The following COLEC12 variants were observed in gnomAD, a reference collection of about 807,000 sequenced individuals.
COLEC12 encodes collectin subfamily member 12, also known as collectin-12.
Under a neutral mutation model 71.1 loss-of-function variants are expected in COLEC12, and 33 were observed. The ratio of observed to expected loss-of-function variants is 0.46; its 90% CI spans 0.35 to 0.62. The LOEUF (loss-of-function observed/expected upper bound fraction) is 0.62. Among genes scored for constraint, COLEC12 ranks in the 20% least tolerant of loss-of-function variants. The pLI is 0.00. For missense variants in COLEC12, 765 were observed against 916.1 expected (o/e 0.84, Z 2.13); for synonymous variants, 350 against 353.0 (o/e 0.99, Z 0.10).
At chr18:449,302 A>G (rs1348031378) in intron 2 of COLEC12, among the ~76,000 whole-genome samples, 1 of 152,194 alleles carries the variant, frequency 6.6e-6, no homozygotes, top group Non-Finnish European at 1.5e-5. Flanking sequence ...AAATAACTCT[A>G]GTGTGAGAGG....
chr18:329,526 G>A lies in COLEC12; in HGVS notation c.2063+2142C>T, dbSNP rs569393099. 1.1e-4 allele frequency among the ~76,000 whole-genome samples: 17 copies of A among 152,328 alleles called. No homozygotes were observed. The South Asian group carries it at 1.4e-3, about 13-fold the overall frequency. The stretch of plus-strand genomic sequence containing the variant: ...GTTTTAGATGGTGATTCCTGCAACT[G>A]TTTTGAGTCTCCTAAAGTGTGTCCC... On this transcript the variant is annotated intron_variant, in intron 8 of 9. Coordinates refer to ENST00000400256, the MANE Select transcript of COLEC12 (RefSeq NM_130386.3).
chr18:472,507 C>T (rs1443761069), intron 2 of COLEC12, among the ~76,000 whole-genome samples: 1 of 151,672 alleles, frequency 6.6e-6, no homozygotes, highest in Non-Finnish European at 1.5e-5. Flanking sequence ...AATGAGACCC[C>T]CATCTCTACA....
intron 2 of COLEC12, among the ~76,000 whole-genome samples, chr18:435,127 C>G (rs17564381): frequency 0.27 from 41,679 of 152,080 alleles, 7,146 homozygotes; most frequent in South Asian, 0.49. Context: ...ATTCTGGCAC[C>G]GAGCACACTC....
chr18:341,295 C>T (rs891498471), intron 5 of COLEC12, among the ~76,000 whole-genome samples: 2 of 152,226 alleles, frequency 1.3e-5, no homozygotes, highest in African/African-American at 4.8e-5. Context: ...GGGTAAGTTA[C>T]TCAGGCTCTC....
At chr18:488,868 G>A (rs1917568290) in intron 1 of COLEC12, among the ~76,000 whole-genome samples, 1 of 131,460 alleles carries the variant, frequency 7.6e-6, no homozygotes, top group South Asian at 2.3e-4. Flanking sequence ...GCAAGACTCT[G>A]TTTCAAAAAA....
chr18:334,761 G>C lies in COLEC12; in HGVS notation c.1797C>G (p.Thr599=). Residue 599 remains threonine, a synonymous_variant, in exon 6 of 10, where the codon ACC becomes ACG. Coordinates refer to ENST00000400256, the MANE Select transcript of COLEC12 (RefSeq NM_130386.3). The stretch of plus-strand genomic sequence containing the variant: ...ACTTACCATTGTCCTCCGGTGCTGG[G>C]GTTGGCTCATTCTGCAGGGCCAGGG... ...VVPLALQNEP[T]PAPEDNGCPP... 3 of 1,473,882 alleles carry C rather than the reference G, an allele frequency of 2.0e-6. No individual in the cohort carries two copies. Among genetic ancestry groups the C allele is most frequent in the Non-Finnish European group, 2.7e-6 (3 of 1,118,022 alleles). The allele number at this position is 1,473,882 out of a possible 1,614,324, so 91.3% of individuals were successfully genotyped here.
chr18:318,489 T>TG lies in COLEC12; in HGVS notation c.*1555_*1556insC, dbSNP rs1913606291. The TG allele has an allele frequency of 1.2e-4, 2 of 16,970 alleles. No individual in the cohort carries two copies. The highest frequency in any genetic ancestry group is 1.3e-3 in the South Asian group (1 of 752). The allele number at this position is 16,970 out of a possible 1,614,324, so 1.1% of individuals were successfully genotyped here. A position where few individuals can be genotyped will look rare whatever the true frequency, so the allele number is the denominator to read the frequency against. ...AAGGAAGATGGGCTCAGAGGAAAGG[T>TG]TTTTTTTTTTTTTTTTTTTTTGAGA... is the stretch of plus-strand genomic sequence containing the variant. On this transcript the variant is annotated 3_prime_UTR_variant, in exon 10 of 10. Coordinates refer to ENST00000400256, the MANE Select transcript of COLEC12 (RefSeq NM_130386.3).
intron 2 of COLEC12, among the ~76,000 whole-genome samples, chr18:370,450 G>A (rs528488819): frequency 2.1e-4 from 32 of 152,232 alleles, no homozygotes; most frequent in African/African-American, 5.5e-4. Context: ...TGTCCAATCC[G>A]CACTTTGCTG....
intron 8 of COLEC12, 27 bp downstream of exon 8, chr18:331,641 C>T (rs1352749801): frequency 1.4e-6 from 2 of 1,426,796 alleles, no homozygotes; most frequent in Non-Finnish European, 2.0e-6. Context: ...AGCCTGACCA[C>T]CAATCTGGAA....
chr18:482,755 G>T (rs991752161), intron 1 of COLEC12, among the ~76,000 whole-genome samples: 11 of 152,160 alleles, frequency 7.2e-5, no homozygotes, highest in Non-Finnish European at 7.4e-5. Flanking sequence ...GGGATTGCAG[G>T]CGCCCACTAC....
intron 1 of COLEC12, among the ~76,000 whole-genome samples, chr18:493,779 AC>A (rs748213518): frequency 6.6e-6 from 1 of 152,258 alleles, no homozygotes; most frequent in Non-Finnish European, 1.5e-5. Flanking sequence ...TTAATGGAAA[AC>A]TAATACTACT....
Position 399,677 on chromosome 18 carries a change from C to T in COLEC12, c.59-42155G>A, listed in dbSNP as rs562040821. ...GCAGCCGCTTTGGGGAAGAACCCTACTTTGTGCTGTTACCTGTTGTTAGTT... is the reference window on the plus strand; with the variant it reads ...GCAGCCGCTTTGGGGAAGAACCCTATTTTGTGCTGTTACCTGTTGTTAGTT... On this transcript the variant is annotated intron_variant, in intron 2 of 9. Coordinates refer to ENST00000400256, the MANE Select transcript of COLEC12 (RefSeq NM_130386.3). The surrounding 1 kb of genome is among the most constrained non-coding windows in gnomAD (Gnocchi z 4.0). Among the ~76,000 whole-genome samples, 1 of 152,262 alleles carries T rather than the reference C, an allele frequency of 6.6e-6. No homozygotes were observed. Among genetic ancestry groups the T allele is most frequent in the South Asian group, 2.1e-4 (1 of 4,826 alleles).
intron 2 of COLEC12, among the ~76,000 whole-genome samples, chr18:441,161 T>G (rs965644422): frequency 9.4e-5 from 14 of 148,234 alleles, no homozygotes; most frequent in African/African-American, 3.2e-4. Context: ...GGCAGGAGAA[T>G]GGCGTGAACC....
chr18:428,111 A>G (rs1043219141), intron 2 of COLEC12, among the ~76,000 whole-genome samples: 70 of 151,642 alleles, frequency 4.6e-4, no homozygotes, highest in African/African-American at 1.7e-3. Flanking sequence ...CTAAAAATAT[A>G]AAATTAGCCG....
rs566228471 is a variant in COLEC12, at chr18:350,679, A to G, written c.182-2516T>C. 3.9e-5 allele frequency among the ~76,000 whole-genome samples: 6 copies of G among 152,172 alleles called. No individual in the cohort carries two copies. The East Asian group carries it at 7.7e-4, about 20-fold the overall frequency. ...ATGGTGGCTCACGCCCGTAATTCCA[A>G]CACTTTGGGAGGCTGGGGTGGGTGG... On this transcript the variant is annotated intron_variant, in intron 3 of 9. Transcript: ENST00000400256.
intron 1 of COLEC12, among the ~76,000 whole-genome samples, chr18:489,300 A>T (rs1917577428): frequency 6.6e-6 from 1 of 152,224 alleles, no homozygotes; most frequent in Admixed American, 6.5e-5. Flanking sequence ...ATGAGGGGGT[A>T]ACATAAAGAC....
rs367998809 is a variant in COLEC12, at chr18:328,617, C to T, written c.2063+3051G>A. ...GAGCACTTCCTATGTGCCAAGCCCT[C>T]GACTAAATGCTTTGCATACAGCTAT... On this transcript the variant is annotated intron_variant, in intron 8 of 9. Coordinates refer to ENST00000400256, the MANE Select transcript of COLEC12 (RefSeq NM_130386.3). 4.1e-4 allele frequency among the ~76,000 whole-genome samples: 63 copies of T among 152,326 alleles called. 1 individual carries two copies. In the South Asian group the frequency reaches 0.012, roughly 29 times the overall value.
chr18:391,033 T>C (rs1049399242), intron 2 of COLEC12, among the ~76,000 whole-genome samples: 1 of 152,130 alleles, frequency 6.6e-6, no homozygotes, highest in Non-Finnish European at 1.5e-5. Context: ...TTTCTATTAC[T>C]TTTTTTACAA....
At chr18:478,354 T>C (rs996625691) in intron 2 of COLEC12, among the ~76,000 whole-genome samples, 1 of 152,222 alleles carries the variant, frequency 6.6e-6, no homozygotes, top group Non-Finnish European at 1.5e-5. Flanking sequence ...GGCTCACGCC[T>C]GTAATCTCAG....
Sources: allele counts gnomAD v4.1 joint callset (sites outside exome capture counted in the v4.1 genomes callset), GRCh38; gene constraint gnomAD v4.1.1; non-coding constraint Gnocchi (gnomAD v3.1); transcripts MANE v1.5; gene names NCBI Gene and HGNC (gene_info 2026-07-23, HGNC 2026-07-21).